PLEKHH2: variants seen among roughly 807,000 people sequenced by gnomAD.
The protein encoded by PLEKHH2 is pleckstrin homology, MyTH4 and FERM domain containing H2.
PLEKHH2 carries 129 observed loss-of-function variants against 187.9 expected under a neutral mutation model. That is an observed-to-expected ratio of 0.69 (90% CI 0.59 to 0.79). The LOEUF (loss-of-function observed/expected upper bound fraction) is 0.79, where lower values mean the gene tolerates loss of function less well. Among genes scored for constraint, PLEKHH2 ranks in the 30% least tolerant of loss-of-function variants. PLEKHH2 has a pLI of 0.00. For missense variants in PLEKHH2, 2,076 were observed against 1,751.2 expected, an observed-to-expected ratio of 1.19 and a Z score of -3.31; for synonymous variants, 686 against 605.6, an observed-to-expected ratio of 1.13 and a Z score of -1.95.
chr2:43,656,450 G>T (rs1446352994), intron 2 of PLEKHH2, among the ~76,000 whole-genome samples: 2 of 94,222 alleles, frequency 2.1e-5, no homozygotes, highest in Non-Finnish European at 4.8e-5. Context: ...TGAGAGCTAA[G>T]AGAAGATATG....
chr2:43,682,299 A>G (rs1157699591), intron 3 of PLEKHH2, among the ~76,000 whole-genome samples: 1 of 152,158 alleles, frequency 6.6e-6, no homozygotes, highest in African/African-American at 2.4e-5. Flanking sequence ...AGTGGAATTC[A>G]CATAACATAA....
Position 43,700,580 on chromosome 2 carries a change from C to T in PLEKHH2, c.1622C>T (p.Thr541Ile). 6.2e-7 allele frequency: 1 copy of T among 1,611,534 alleles called. No individual in the cohort carries two copies. ...AKKVAYSKPP[T>I]PPLHRFPSWE... ...AAGGTGGCATACAGCAAACCTCCAACTCCTCCCCTGCACCGTTTTCCTTCT... is the reference window on the plus strand; with the variant it reads ...AAGGTGGCATACAGCAAACCTCCAATTCCTCCCCTGCACCGTTTTCCTTCT... The change falls in exon 8 of 30, where the codon ACT becomes ATT. Residue 541 changes from threonine (T) to isoleucine (I), a missense_variant. Transcript: ENST00000282406.
intron 3 of PLEKHH2, among the ~76,000 whole-genome samples, chr2:43,690,050 A>G (rs1281554196): frequency 3.3e-5 from 5 of 152,014 alleles, no homozygotes; most frequent in African/African-American, 1.2e-4. Flanking sequence ...TACTTCTATT[A>G]CTCTGTGCCC....
At position 43,727,184 on chromosome 2, in the gene PLEKHH2, C is replaced by T. The variant is rs149962811; in HGVS notation, c.2721+733C>T. Among the ~76,000 whole-genome samples, 1,120 of 152,130 alleles carry T rather than the reference C, an allele frequency of 7.4e-3. 16 individuals are homozygous for T. Among genetic ancestry groups the T allele is most frequent in the African/African-American group, 0.026 (1,063 of 41,506 alleles). On this transcript the variant is annotated intron_variant, in intron 17 of 29. Coordinates refer to ENST00000282406, the MANE Select transcript of PLEKHH2 (RefSeq NM_172069.4). ...ATCCCAGCACTTCGGGAGGCCGAGGCGGGTGGATCACAAGGTCAGGAAGAT... is the reference window on the plus strand; with the variant it reads ...ATCCCAGCACTTCGGGAGGCCGAGGTGGGTGGATCACAAGGTCAGGAAGAT...
At chr2:43,725,333 C>T (rs1245363480) in intron 16 of PLEKHH2, among the ~76,000 whole-genome samples, 2 of 152,222 alleles carry the variant, frequency 1.3e-5, no homozygotes, top group Middle Eastern at 3.4e-3. Flanking sequence ...CTTAGTGTGT[C>T]CAAAGGGAAA....
At chr2:43,727,749 T>C (rs1670836170) in intron 17 of PLEKHH2, among the ~76,000 whole-genome samples, 1 of 152,202 alleles carries the variant, frequency 6.6e-6, no homozygotes, top group African/African-American at 2.4e-5. Context: ...AGCACTTTCC[T>C]GTGGTCACAC....
At chr2:43,698,680 C>T (rs902951506) in intron 7 of PLEKHH2, among the ~76,000 whole-genome samples, 5 of 152,054 alleles carry the variant, frequency 3.3e-5, no homozygotes, top group South Asian at 2.1e-4. Flanking sequence ...TTCCTAATAC[C>T]GAATTTTAGA....
At chr2:43,642,268 T>C (rs1254688445) in intron 1 of PLEKHH2, among the ~76,000 whole-genome samples, 1 of 152,202 alleles carries the variant, frequency 6.6e-6, no homozygotes, top group East Asian at 1.9e-4. Flanking sequence ...TTTTCATTTT[T>C]GGATTTTTCC....
intron 7 of PLEKHH2, among the ~76,000 whole-genome samples, chr2:43,698,993 G>A (rs1250929134): frequency 1.3e-5 from 2 of 152,090 alleles, no homozygotes; most frequent in Non-Finnish European, 2.9e-5. Flanking sequence ...ATCGAAGTTT[G>A]GTGCAAGGTC....
chr2:43,754,846 T>C (rs557126089), intron 25 of PLEKHH2, among the ~76,000 whole-genome samples: 4 of 151,752 alleles, frequency 2.6e-5, no homozygotes, highest in Non-Finnish European at 4.4e-5. Context: ...TTCGTAGTTT[T>C]TTTATGGGCT....
At chr2:43,690,451 A>G (rs184857234) in intron 3 of PLEKHH2, among the ~76,000 whole-genome samples, 84 of 152,268 alleles carry the variant, frequency 5.5e-4, no homozygotes, top group African/African-American at 2.0e-3. Flanking sequence ...CAGTGAACCC[A>G]CAGATGAAAC....
At chr2:43,675,937 T>A in intron 2 of PLEKHH2, 1 of 1,614,022 alleles carries the variant, frequency 6.2e-7, no homozygotes, top group South Asian at 1.1e-5. Flanking sequence ...ACCATACTTT[T>A]CAAAGACGTA....
intron 4 of PLEKHH2, 34 bp from the exon 5 acceptor site, chr2:43,694,397 G>T: frequency 1.3e-6 from 2 of 1,530,380 alleles, no homozygotes. Context: ...TTGAGTTTAT[G>T]TTTGAACTAA....
At chr2:43,728,737 T>G (rs1448428424) in intron 17 of PLEKHH2, among the ~76,000 whole-genome samples, 2 of 151,720 alleles carry the variant, frequency 1.3e-5, no homozygotes, top group South Asian at 4.2e-4. Context: ...AATTTTTGTA[T>G]TTTTAGTAGA....
intron 2 of PLEKHH2, chr2:43,675,429 G>C: frequency 6.2e-7 from 1 of 1,608,946 alleles, no homozygotes; most frequent in Non-Finnish European, 8.5e-7. Flanking sequence ...CATTGAAATA[G>C]TGTCCAAATG....
chr2:43,765,085 C>T (rs1220850540), intron 29 of PLEKHH2, among the ~76,000 whole-genome samples: 1 of 152,230 alleles, frequency 6.6e-6, no homozygotes, highest in Non-Finnish European at 1.5e-5. Flanking sequence ...GTTCTTATGA[C>T]ACTAACTTTC....
In PLEKHH2 at chr2:43,671,883, G is replaced by A. The variant is rs190189726; in HGVS notation, c.124-6980G>A. ...TTTTGTTAAAGATTTTTGCATCTGT[G>A]TTCACAAGGATATTCGTCTTTTTCT... is the stretch of plus-strand genomic sequence containing the variant. On this transcript the variant is annotated intron_variant, in intron 2 of 29. Coordinates refer to ENST00000282406, the MANE Select transcript of PLEKHH2 (RefSeq NM_172069.4). Among the ~76,000 whole-genome samples the A allele has an allele frequency of 1.4e-4, 21 of 152,276 alleles. No homozygotes were observed. The East Asian group carries it at 4.0e-3, about 29-fold the overall frequency.
chr2:43,705,790 G>C (rs1393432138), intron 9 of PLEKHH2, among the ~76,000 whole-genome samples: 1 of 151,490 alleles, frequency 6.6e-6, no homozygotes, highest in Non-Finnish European at 1.5e-5. Flanking sequence ...TTTGGTTTTA[G>C]TAGAGAAAGG....
Position 43,654,403 on chromosome 2 carries a change from G to A in PLEKHH2, c.123+9607G>A, listed in dbSNP as rs571301647. The stretch of plus-strand genomic sequence containing the variant: ...GTAGAGATGAGGTTTCACCATGTTG[G>A]CCAGGATGGTCTCGATCTCTTGACC... On this transcript the variant is annotated intron_variant, in intron 2 of 29. Transcript: ENST00000282406. Among the ~76,000 whole-genome samples the A allele has an allele frequency of 8.8e-4, 133 of 151,872 alleles. 1 individual carries two copies. The highest frequency in any genetic ancestry group is 3.1e-3 in the African/African-American group (130 of 41,434).
Sources: gnomAD v4.1 joint callset for allele counts (sites outside exome capture counted in the v4.1 genomes callset) on GRCh38, gnomAD v4.1.1 for gene constraint, MANE v1.5 for transcripts, NCBI Gene and HGNC (gene_info 2026-07-23, HGNC 2026-07-21) for gene names.